GABRG3: variants seen among roughly 807,000 people sequenced by gnomAD.
GABRG3 encodes gamma-aminobutyric acid receptor subunit gamma-3.
In GABRG3, 25 loss-of-function variants were observed where a neutral mutation model predicts 48.8. That is an observed-to-expected ratio of 0.51 (90% CI 0.37 to 0.72). The LOEUF is 0.72. Among genes scored for constraint, GABRG3 ranks in the 30% least tolerant of loss-of-function variants. The probability of loss-of-function intolerance (pLI) is 0.00; values close to 1 mark genes in which losing one functional copy is unlikely to be tolerated. For synonymous variants in GABRG3, 227 were observed against 217.6 expected, an observed-to-expected ratio of 1.04 and a Z score of -0.38; for missense variants, 394 against 577.9, an observed-to-expected ratio of 0.68 and a Z score of 3.26.
At chr15:27,415,846 T>A (rs1476270659) in intron 5 of GABRG3, among the ~76,000 whole-genome samples, 2 of 148,124 alleles carry the variant, frequency 1.4e-5, no homozygotes, top group African/African-American at 2.4e-5. Flanking sequence ...CCTAAGCAAA[T>A]AGCCACAGAT....
intron 5 of GABRG3, among the ~76,000 whole-genome samples, chr15:27,338,120 G>A (rs1419166211): frequency 6.6e-6 from 1 of 152,126 alleles, no homozygotes; most frequent in Non-Finnish European, 1.5e-5. Flanking sequence ...TCATGTGCCC[G>A]AGCTGGTCGG....
chr15:27,245,060 C>A (rs967824120), intron 3 of GABRG3, among the ~76,000 whole-genome samples: 3 of 152,080 alleles, frequency 2.0e-5, no homozygotes, highest in Non-Finnish European at 2.9e-5. Flanking sequence ...TAGTGCTGGA[C>A]CCTCCTCCTT....
chr15:26,973,124 G>A (rs1474465757), intron 1 of GABRG3, among the ~76,000 whole-genome samples: 1 of 152,136 alleles, frequency 6.6e-6, no homozygotes, highest in African/African-American at 2.4e-5. Context: ...AGCCGTTCAG[G>A]GTTCAGTAAT....
chr15:27,172,211 A>G (rs79740435), intron 3 of GABRG3, among the ~76,000 whole-genome samples: 4,100 of 152,288 alleles, frequency 0.027, 215 homozygotes, highest in African/African-American at 0.095. Context: ...TACGTGGAGC[A>G]AAAATGTGAT....
intron 3 of GABRG3, among the ~76,000 whole-genome samples, chr15:27,174,589 TC>T (rs1434999118): frequency 1.5e-4 from 15 of 101,176 alleles, no homozygotes; most frequent in Non-Finnish European, 2.3e-4. Context: ...CTCTCGTCTC[TC>T]TCTCTCTCTC....
intron 3 of GABRG3, among the ~76,000 whole-genome samples, chr15:27,110,957 T>G (rs34935241): frequency 1.4e-3 from 219 of 152,044 alleles, no homozygotes; most frequent in Non-Finnish European, 2.5e-3. Flanking sequence ...AGTTCTTACT[T>G]TTATTACTTC....
intron 3 of GABRG3, among the ~76,000 whole-genome samples, chr15:27,153,165 T>A (rs1898353453): frequency 6.6e-6 from 1 of 152,174 alleles, no homozygotes; most frequent in Non-Finnish European, 1.5e-5. Flanking sequence ...CTGGCCTGAG[T>A]TAGTTTTTGT....
At chr15:27,403,784 C>T (rs575321058) in intron 5 of GABRG3, among the ~76,000 whole-genome samples, 13 of 149,944 alleles carry the variant, frequency 8.7e-5, no homozygotes, top group Non-Finnish European at 1.8e-4. Flanking sequence ...TGGTAGTGCG[C>T]GCCTGTAATC....
At chr15:27,355,115 T>C (rs1004282512) in intron 5 of GABRG3, among the ~76,000 whole-genome samples, 3 of 152,196 alleles carry the variant, frequency 2.0e-5, no homozygotes, top group Non-Finnish European at 2.9e-5. Context: ...TGCCTTCCGA[T>C]GAGCCACACC....
At chr15:27,089,365 G>T (rs1359367195) in intron 3 of GABRG3, among the ~76,000 whole-genome samples, 1 of 152,114 alleles carries the variant, frequency 6.6e-6, no homozygotes, top group Non-Finnish European at 1.5e-5. Flanking sequence ...TGGGAGGAGG[G>T]TGCAGGCTGC....
intron 3 of GABRG3, among the ~76,000 whole-genome samples, chr15:27,300,109 A>G (rs953268503): frequency 3.9e-5 from 6 of 152,198 alleles, no homozygotes; most frequent in African/African-American, 1.4e-4. Context: ...TATTGGAACC[A>G]CAGAACACCA....
intron 3 of GABRG3, among the ~76,000 whole-genome samples, chr15:27,278,898 G>C (rs1186131454): frequency 3.3e-5 from 5 of 152,202 alleles, no homozygotes; most frequent in Non-Finnish European, 1.5e-5. Flanking sequence ...CTACCAAGCT[G>C]TTTCCCAGAG....
At chr15:27,465,112 C>G (rs1889565486) in intron 5 of GABRG3, among the ~76,000 whole-genome samples, 1 of 152,186 alleles carries the variant, frequency 6.6e-6, no homozygotes, top group Non-Finnish European at 1.5e-5. Flanking sequence ...CTGCACGGAT[C>G]AAGGGTGATG....
At chr15:27,081,415 T>C (rs4887552) in intron 3 of GABRG3, among the ~76,000 whole-genome samples, 31,144 of 152,076 alleles carry the variant, frequency 0.2, 3,342 homozygotes, top group Middle Eastern at 0.27. Flanking sequence ...TTTTATTAAA[T>C]ATTCATTTGA....
Position 27,439,873 on chromosome 15 carries a change from G to A in GABRG3, c.575-40777G>A, listed in dbSNP as rs112914935. Among the ~76,000 whole-genome samples, 993 of 152,276 alleles carry A rather than the reference G, an allele frequency of 6.5e-3. 12 individuals carry two copies. Among genetic ancestry groups the A allele is most frequent in the African/African-American group, 0.022 (912 of 41,554 alleles). On this transcript the variant is annotated intron_variant, in intron 5 of 9. Coordinates refer to ENST00000615808, the MANE Select transcript of GABRG3 (RefSeq NM_033223.5). ...GGGGTAGACGGCACCAGTATAACCC[G>A]CAGGGCATAACATGTGTGATCTGGC...
intron 3 of GABRG3, among the ~76,000 whole-genome samples, chr15:27,044,156 A>G (rs144449895): frequency 2.6e-5 from 4 of 152,314 alleles, no homozygotes; most frequent in African/African-American, 7.2e-5. Context: ...TCTGTTGGTT[A>G]GGAACAACAC....
At chr15:27,474,803 A>G (rs961614291) in intron 5 of GABRG3, among the ~76,000 whole-genome samples, 4 of 152,162 alleles carry the variant, frequency 2.6e-5, no homozygotes, top group Non-Finnish European at 5.9e-5. Flanking sequence ...TTTGGAAACA[A>G]TCACCTCCCT....
intron 5 of GABRG3, among the ~76,000 whole-genome samples, chr15:27,353,590 T>C (rs1445672247): frequency 6.6e-6 from 1 of 151,970 alleles, no homozygotes; most frequent in African/African-American, 2.4e-5. Context: ...ACTACAGGTG[T>C]GCACCACCAC....
chr15:26,987,351 C>T (rs570169154), intron 2 of GABRG3, among the ~76,000 whole-genome samples: 9 of 152,356 alleles, frequency 5.9e-5, no homozygotes, highest in Admixed American at 5.2e-4. Context: ...GTCGTAAATG[C>T]TTTGCCTTAC....
Sources: allele counts gnomAD v4.1 joint callset (sites outside exome capture counted in the v4.1 genomes callset), GRCh38; gene constraint gnomAD v4.1.1; transcripts MANE v1.5; gene names NCBI Gene and HGNC (gene_info 2026-07-23, HGNC 2026-07-21).